The following TIFA variants were observed in gnomAD, a reference collection of about 807,000 sequenced individuals.
TIFA encodes TRAF interacting protein with forkhead associated domain.
For synonymous variants in TIFA, 75 were observed against 79.2 expected (o/e 0.95, Z 0.28); for missense variants, 186 against 215.2 (o/e 0.86, Z 0.85).
chr4:112,281,166 C>T (rs1296361976), intron 1 of TIFA, among the ~76,000 whole-genome samples: 1 of 152,200 alleles, frequency 6.6e-6, no homozygotes, highest in African/African-American at 2.4e-5. Flanking sequence ...TGATCTCCAG[C>T]TTTATTTACA....
chr4:112,281,604 A>T lies in TIFA; in HGVS notation c.-18-3170T>A, dbSNP rs905166236. 2.4e-4 allele frequency: 36 copies of T among 152,296 alleles called. 1 individual carries two copies. Among genetic ancestry groups the T allele is most frequent in the African/African-American group, 7.0e-4 (29 of 41,546 alleles). 9.4% of individuals were successfully genotyped at this position (152,296 alleles called of 1,614,324 possible). A position where few individuals can be genotyped will look rare whatever the true frequency, so the allele number is the denominator to read the frequency against. On this transcript the variant is annotated intron_variant, in intron 1 of 1. Transcript: ENST00000361717. ...ACCCCATCCTTGCAGGCCTGTCCCTACCAGTTCTGCCCCTTTAAAATGATG... is the reference window on the plus strand; with the variant it reads ...ACCCCATCCTTGCAGGCCTGTCCCTTCCAGTTCTGCCCCTTTAAAATGATG...
At position 112,277,348 on chromosome 4, in the gene TIFA, T is replaced by A. The variant is rs1727134425; in HGVS notation, c.*514A>T. On this transcript the variant is annotated 3_prime_UTR_variant, in exon 2 of 2. Coordinates refer to ENST00000361717, the MANE Select transcript of TIFA (RefSeq NM_052864.3). ...GAAAAGTAAGGTAGTATTTCTCAAATAAGTCCTCCCATGCTAAAACCACAG... is the reference window on the plus strand; with the variant it reads ...GAAAAGTAAGGTAGTATTTCTCAAAAAAGTCCTCCCATGCTAAAACCACAG... 6.6e-6 allele frequency: 1 copy of A among 152,424 alleles called. No homozygotes were observed. Among genetic ancestry groups the A allele is most frequent in the Admixed American group, 6.5e-5 (1 of 15,292 alleles). The allele number at this position is 152,424 out of a possible 1,614,324, so 9.4% of individuals were successfully genotyped here. A position where few individuals can be genotyped will look rare whatever the true frequency, so the allele number is the denominator to read the frequency against.
intron 1 of TIFA, among the ~76,000 whole-genome samples, chr4:112,281,278 C>A (rs907900445): frequency 2.6e-5 from 4 of 152,178 alleles, no homozygotes; most frequent in Non-Finnish European, 1.5e-5. Flanking sequence ...TCTAAATAGT[C>A]TTTTGGTAAC....
At chr4:112,284,629 CT>C (rs1727287665) in intron 1 of TIFA, among the ~76,000 whole-genome samples, 1 of 151,996 alleles carries the variant, frequency 6.6e-6, no homozygotes, top group Middle Eastern at 3.2e-3. Flanking sequence ...CCAGTTCCCC[CT>C]GAATATATTC....
intron 1 of TIFA, among the ~76,000 whole-genome samples, chr4:112,280,031 C>T (rs1727196417): frequency 1.3e-5 from 2 of 152,164 alleles, no homozygotes; most frequent in South Asian, 4.2e-4. Flanking sequence ...ACAAATATAC[C>T]TCATTCTTTA....
chr4:112,274,978 C>A lies in TIFA; in HGVS notation c.*2884G>T, dbSNP rs956779030. On this transcript the variant is annotated 3_prime_UTR_variant, in exon 2 of 2. Transcript: ENST00000361717. ...TAATACACCTCTCTACCTAAGGAGC[C>A]CCAGAAAAATCACTTTCCAGGGACA... The A allele has an allele frequency of 3.3e-5, 5 of 152,110 alleles. No homozygotes were observed. The highest frequency in any genetic ancestry group is 1.3e-4 in the Admixed American group (2 of 15,272). The allele number at this position is 152,110 out of a possible 1,614,324, so 9.4% of individuals were successfully genotyped here.
Position 112,277,718 on chromosome 4 carries a change from CTT to C in TIFA, c.*142_*143del. 1 of 718,500 alleles carries C rather than the reference CTT, an allele frequency of 1.4e-6. No homozygotes were observed. Among genetic ancestry groups the C allele is most frequent in the East Asian group, 3.2e-5 (1 of 31,146 alleles). The allele number at this position is 718,500 out of a possible 1,614,324, so 44.5% of individuals were successfully genotyped here. On this transcript the variant is annotated 3_prime_UTR_variant, in exon 2 of 2. Transcript: ENST00000361717. Reference sequence around the variant, plus strand: ...GTTAATGACTAACACAATTTACAGACTTCAAAATGATAATACTGAATTCCAAA... The same window carrying C: ...GTTAATGACTAACACAATTTACAGACCAAAATGATAATACTGAATTCCAAA...
chr4:112,279,855 C>T (rs886578383), intron 1 of TIFA, among the ~76,000 whole-genome samples: 4 of 151,986 alleles, frequency 2.6e-5, no homozygotes, highest in Non-Finnish European at 5.9e-5. Flanking sequence ...TTAGTAGAGA[C>T]GGAGTTTTGC....
chr4:112,282,389 A>G (rs1278990678), intron 1 of TIFA, among the ~76,000 whole-genome samples: 1 of 152,208 alleles, frequency 6.6e-6, no homozygotes, highest in African/African-American at 2.4e-5. Flanking sequence ...CAGACTGCTG[A>G]TACCCTGATA....
Position 112,278,359 on chromosome 4 carries a change from C to A in TIFA, c.58G>T (p.Val20Phe). The A allele has an allele frequency of 6.2e-7, 1 of 1,606,528 alleles. No individual in the cohort carries two copies. The highest frequency in any genetic ancestry group is 8.5e-7 in the Non-Finnish European group (1 of 1,176,296). ...EETVTCLQMT[V>F]YHPGQLQCGI... Reference sequence around the variant, plus strand: ...CACTGCAACTGGCCAGGATGGTAAACCGTCATCTGGAGACAAGTTACTGTC... The same window carrying A: ...CACTGCAACTGGCCAGGATGGTAAAACGTCATCTGGAGACAAGTTACTGTC... Residue 20 changes from valine (V) to phenylalanine (F), a missense_variant, in exon 2 of 2, where the codon GTT (valine) becomes TTT (phenylalanine). By Grantham distance (50) the Val-to-Phe change is conservative. Coordinates refer to ENST00000361717, the MANE Select transcript of TIFA (RefSeq NM_052864.3).
At chr4:112,279,259 A>G (rs928974121) in intron 1 of TIFA, among the ~76,000 whole-genome samples, 2 of 152,178 alleles carry the variant, frequency 1.3e-5, no homozygotes, top group African/African-American at 4.8e-5. Flanking sequence ...GGTGCCCTCC[A>G]CCTACACTTC....
chr4:112,280,128 G>T (rs1727199643), intron 1 of TIFA, among the ~76,000 whole-genome samples: 2 of 152,074 alleles, frequency 1.3e-5, no homozygotes, highest in Admixed American at 1.3e-4. Context: ...GCATTCCTTG[G>T]ATGACTCTCC....
intron 1 of TIFA, among the ~76,000 whole-genome samples, chr4:112,282,708 C>CACTTATATA (rs1727247901): frequency 6.6e-6 from 1 of 152,170 alleles, no homozygotes; most frequent in African/African-American, 2.4e-5. Flanking sequence ...AGAGTATGCC[C>CACTTATATA]ACTTGGCCAC....
chr4:112,281,126 G>T (rs1225876191), intron 1 of TIFA, among the ~76,000 whole-genome samples: 3 of 152,192 alleles, frequency 2.0e-5, no homozygotes, highest in Non-Finnish European at 4.4e-5. Context: ...ATTAACAAGA[G>T]CCTGAAAAGA....
Position 112,277,688 on chromosome 4 carries a change from A to ATAG in TIFA, c.*173_*174insCTA. ...GTGTAGATCCAGAATACAACAGGTG[A>ATAG]CTAAGTTAATGACTAACACAATTTA... On this transcript the variant is annotated 3_prime_UTR_variant, in exon 2 of 2. Coordinates refer to ENST00000361717, the MANE Select transcript of TIFA (RefSeq NM_052864.3). 1.3e-5 allele frequency: 6 copies of ATAG among 458,664 alleles called. No homozygotes were observed. The highest frequency in any genetic ancestry group is 1.2e-4 in the South Asian group (2 of 16,782). 28.4% of individuals were successfully genotyped at this position (458,664 alleles called of 1,614,324 possible).
rs957669137 is a variant in TIFA at position 112,276,152 on chromosome 4, A to C, written c.*1710T>G. On this transcript the variant is annotated 3_prime_UTR_variant, in exon 2 of 2. Transcript: ENST00000361717. ...AAGTCAAACATATTCTCACTGGACC[A>C]AAATCAAGGTGTCCACAAGACTTTG... The C allele has an allele frequency of 6.6e-6, 1 of 152,522 alleles. No homozygotes were observed. The highest frequency in any genetic ancestry group is 1.5e-5 in the Non-Finnish European group (1 of 68,042). The allele number at this position is 152,522 out of a possible 1,614,324, so 9.4% of individuals were successfully genotyped here. A position where few individuals can be genotyped will look rare whatever the true frequency, so the allele number is the denominator to read the frequency against.
Position 112,285,726 on chromosome 4 carries a change from T to G in TIFA, c.-105A>C, listed in dbSNP as rs1727312543. 1 of 152,386 alleles carries G rather than the reference T, an allele frequency of 6.6e-6. No homozygotes were observed. Among genetic ancestry groups the G allele is most frequent in the African/African-American group, 2.4e-5 (1 of 41,440 alleles). 9.4% of individuals were successfully genotyped at this position (152,386 alleles called of 1,614,324 possible). A position where few individuals can be genotyped will look rare whatever the true frequency, so the allele number is the denominator to read the frequency against. ...GGAATCGAGGAGACTGGGCGCAGGA[T>G]GGGGGTGGACACCCGGCCGCTGCTC... On this transcript the variant is annotated 5_prime_UTR_variant, in exon 1 of 2. Coordinates refer to ENST00000361717, the MANE Select transcript of TIFA (RefSeq NM_052864.3).
intron 1 of TIFA, 66 bp from the exon 2 acceptor site, chr4:112,278,500 A>T: frequency 4.4e-6 from 6 of 1,375,988 alleles, no homozygotes; most frequent in Non-Finnish European, 4.9e-6. Flanking sequence ...TTTGATTCTA[A>T]CGTTTTGATG....
rs1049344609 is a variant in TIFA at position 112,276,005 on chromosome 4, T to G, written c.*1857A>C. On this transcript the variant is annotated 3_prime_UTR_variant, in exon 2 of 2. Transcript: ENST00000361717. ...AAGCTAAAATCCTAGAAAGAATCAATAGTAGATAACCTTATATTAAAGGGA... is the reference window on the plus strand; with the variant it reads ...AAGCTAAAATCCTAGAAAGAATCAAGAGTAGATAACCTTATATTAAAGGGA... 6.6e-6 allele frequency: 1 copy of G among 152,206 alleles called. No homozygotes were observed. The highest frequency in any genetic ancestry group is 1.5e-5 in the Non-Finnish European group (1 of 68,032). 9.4% of individuals were successfully genotyped at this position (152,206 alleles called of 1,614,324 possible). A position where few individuals can be genotyped will look rare whatever the true frequency, so the allele number is the denominator to read the frequency against.
Sources: gnomAD v4.1 joint callset for allele counts (sites outside exome capture counted in the v4.1 genomes callset) on GRCh38, gnomAD v4.1.1 for gene constraint, MANE v1.5 for transcripts, NCBI Gene and HGNC (gene_info 2026-07-23, HGNC 2026-07-21) for gene names.